Variants in NFILZ observed in about 807,000 individuals in gnomAD.
NFILZ encodes the protein NFIL3 like protein.
At chr19:8,665,847 G>A (rs1295784303) in intron 3 of NFILZ, among the ~76,000 whole-genome samples, 1 of 152,180 alleles carries the variant, frequency 6.6e-6, no homozygotes, top group East Asian at 1.9e-4. Context: ...AATTTCTCCA[G>A]ACATGCATTG....
intron 3 of NFILZ, among the ~76,000 whole-genome samples, chr19:8,656,429 C>CCCACCTCTTCCCTGA (rs2043000354): frequency 4.2e-5 from 1 of 23,594 alleles, no homozygotes; most frequent in African/African-American, 1.0e-4. Flanking sequence ...CCTCTTTCCG[C>CCCACCTCTTCCCTGA]AGCCCACCTT....
intron 4 of NFILZ, among the ~76,000 whole-genome samples, 152 bp downstream of exon 4, chr19:8,674,752 C>G (rs1555750572): frequency 6.6e-6 from 1 of 152,088 alleles, no homozygotes; most frequent in Non-Finnish European, 1.5e-5. Context: ...GTTGTATATT[C>G]CTTTATCCTC....
chr19:8,677,111 G>GC lies in NFILZ; in HGVS notation c.351dup (p.Trp118LeufsTer10). 6.5e-6 allele frequency: 1 copy of GC among 152,738 alleles called. No homozygotes were observed. The highest frequency in any genetic ancestry group is 1.9e-4 in the East Asian group (1 of 5,184). The allele number at this position is 152,738 out of a possible 1,614,324, so 9.5% of individuals were successfully genotyped here. A position where few individuals can be genotyped will look rare whatever the true frequency, so the allele number is the denominator to read the frequency against. Reference sequence around the variant, plus strand: ...GCCCCTGCAGGCTCTGCTATTGGAAGCCCCCTGGACTGGGGACCCCCGGCC... The same window carrying GC: ...GCCCCTGCAGGCTCTGCTATTGGAAGCCCCCCTGGACTGGGGACCCCCGGCC... On this transcript the variant is annotated frameshift_variant, in exon 6 of 6. Transcript: ENST00000691075. LOFTEE classifies it low-confidence loss of function (END_TRUNC).
At chr19:8,664,367 A>G (rs2043051891) in intron 3 of NFILZ, among the ~76,000 whole-genome samples, 1 of 151,628 alleles carries the variant, frequency 6.6e-6, no homozygotes, top group Non-Finnish European at 1.5e-5. Context: ...CCCACCCCCC[A>G]CTTCCTGCCC....
intron 3 of NFILZ, among the ~76,000 whole-genome samples, chr19:8,672,212 C>CA (rs529793353): frequency 5.4e-4 from 81 of 151,380 alleles, no homozygotes; most frequent in African/African-American, 1.8e-3. Flanking sequence ...TTAGTTCATT[C>CA]AAAAAAATCC....
chr19:8,635,597 TGAG>T (rs1284431654), intron 2 of NFILZ, 50 bp from the exon 3 acceptor site: 1 of 152,198 alleles, frequency 6.6e-6, no homozygotes, highest in East Asian at 1.9e-4. Context: ...CTTTTACTGT[TGAG>T]GAGTCCCTGG....
rs367777602 is a variant in NFILZ, at chr19:8,631,830, T to TTATGTGTGTGTG, written c.-410-645_-410-644insATGTGTGTGTGT. On this transcript the variant is annotated intron_variant, in intron 1 of 5. Coordinates refer to ENST00000691075, the MANE Select transcript of NFILZ (RefSeq NM_001378600.1). ...GGCTTGGTCACTCCAGTCCTCGCTT[T>TTATGTGTGTGTG]TGTGTGTGTGTGTGTGTGTGTGTGT... is the stretch of plus-strand genomic sequence containing the variant. 5.8e-3 allele frequency among the ~76,000 whole-genome samples: 841 copies of TTATGTGTGTGTG among 145,982 alleles called. 23 individuals are homozygous for TTATGTGTGTGTG. The highest frequency in any genetic ancestry group is 0.02 in the African/African-American group (770 of 39,162).
chr19:8,637,912 CA>C (rs35778716), intron 3 of NFILZ, among the ~76,000 whole-genome samples: 467 of 20,258 alleles, frequency 0.023, 3 homozygotes, highest in African/African-American at 0.075. Flanking sequence ...AAGATGGTCT[CA>C]AAAAAAAAAA....
chr19:8,669,136 G>C (rs1035331121), intron 3 of NFILZ, among the ~76,000 whole-genome samples: 1 of 152,154 alleles, frequency 6.6e-6, no homozygotes. Context: ...GTAGAGACAG[G>C]GTTTCGCCAT....
intron 3 of NFILZ, among the ~76,000 whole-genome samples, chr19:8,652,909 T>C (rs1377757255): frequency 1.3e-5 from 2 of 148,462 alleles, no homozygotes; most frequent in Non-Finnish European, 3.0e-5. Flanking sequence ...CCCTCCCTCC[T>C]TCTCTCTCTC....
At chr19:8,635,336 A>G (rs1163651722) in intron 2 of NFILZ, among the ~76,000 whole-genome samples, 2 of 151,570 alleles carry the variant, frequency 1.3e-5, no homozygotes, top group East Asian at 3.9e-4. Flanking sequence ...AAAAAAAAAA[A>G]AAAGAAATAC....
chr19:8,656,615 G>T (rs546119051), intron 3 of NFILZ, among the ~76,000 whole-genome samples: 1 of 151,638 alleles, frequency 6.6e-6, no homozygotes, highest in East Asian at 1.9e-4. Context: ...TGCAGCCCCC[G>T]TACCTGGCCC....
At position 8,680,408 on chromosome 19, in the gene NFILZ, GT is replaced by G. The variant is rs79777504; in HGVS notation, c.*2775del. Among the ~76,000 whole-genome samples the G allele has an allele frequency of 0.15, 23,322 of 151,788 alleles. 2,651 individuals carry two copies. The highest frequency in any genetic ancestry group is 0.5 in the East Asian group (2,588 of 5,164). ...TTTCATTTTATTCAAGGCATGTTTT[GT>G]TGTAAAAAGTCTGAAAATCATATGC... On this transcript the variant is annotated 3_prime_UTR_variant, in exon 6 of 6. Coordinates refer to ENST00000691075, the MANE Select transcript of NFILZ (RefSeq NM_001378600.1).
intron 3 of NFILZ, among the ~76,000 whole-genome samples, chr19:8,643,098 C>T (rs1265307121): frequency 5.9e-5 from 9 of 151,934 alleles, no homozygotes; most frequent in Non-Finnish European, 8.8e-5. Context: ...CATAGGCATG[C>T]ACCACCACAC....
rs55926423 is a variant in NFILZ, at chr19:8,679,269, CATTATTATTATT to C, written c.*1660_*1671del. ...TCAGTTTCTCACTCAGCCCCTCTCC[CATTATTATTATT>C]ATTATTATTATTATTATTATTATTA... On this transcript the variant is annotated 3_prime_UTR_variant, in exon 6 of 6. Transcript: ENST00000691075. Among the ~76,000 whole-genome samples, 1,584 of 145,800 alleles carry C rather than the reference CATTATTATTATT, an allele frequency of 0.011. 13 individuals are homozygous for C. Among genetic ancestry groups the C allele is most frequent in the Non-Finnish European group, 0.019 (1,258 of 66,822 alleles).
chr19:8,645,088 A>AT (rs1441619719), intron 3 of NFILZ, among the ~76,000 whole-genome samples: 1 of 130,886 alleles, frequency 7.6e-6, no homozygotes, highest in African/African-American at 2.9e-5. Flanking sequence ...CCAGCTTTCC[A>AT]TTTTCTTACT....
chr19:8,640,316 G>GTTATTTTTTTTTT (rs2042913800), intron 3 of NFILZ, among the ~76,000 whole-genome samples: 1 of 124,238 alleles, frequency 8.0e-6, no homozygotes. Flanking sequence ...TCCTGCTGTA[G>GTTATTTTTTTTTT]TTTTTTTTTT....
intron 3 of NFILZ, among the ~76,000 whole-genome samples, chr19:8,671,567 C>A (rs1454542811): frequency 6.6e-6 from 1 of 152,130 alleles, no homozygotes; most frequent in African/African-American, 2.4e-5. Context: ...ACACTCACTT[C>A]TCTTCCTTGG....
intron 3 of NFILZ, among the ~76,000 whole-genome samples, chr19:8,640,516 G>A (rs569057104): frequency 6.6e-6 from 1 of 152,174 alleles, no homozygotes; most frequent in East Asian, 1.9e-4. Context: ...GCTGTGAGCA[G>A]CAGAAGGTGC....
Sources: allele counts gnomAD v4.1 joint callset (sites outside exome capture counted in the v4.1 genomes callset), GRCh38; gene constraint gnomAD v4.1.1; transcripts MANE v1.5; gene names NCBI Gene and HGNC (gene_info 2026-07-23, HGNC 2026-07-21).